GRID1: variants seen among roughly 807,000 people sequenced by gnomAD.
GRID1 encodes the protein glutamate ionotropic receptor delta type subunit 1.
A neutral mutation model predicts 98.0 loss-of-function variants in GRID1; 28 were observed. The observed-to-expected ratio is 0.29, with a 90% CI of 0.21 to 0.39. GRID1 has a LOEUF of 0.39. GRID1 is among the 10% of genes least tolerant of loss of function. GRID1 has a pLI of 1.00. For synonymous variants in GRID1, 553 were observed against 538.5 expected, an observed-to-expected ratio of 1.03 and a Z score of -0.37; for missense variants, 1,111 against 1,340.5, an observed-to-expected ratio of 0.83 and a Z score of 2.67.
intron 2 of GRID1, among the ~76,000 whole-genome samples, chr10:86,242,489 A>C (rs1846653885): frequency 1.3e-5 from 2 of 152,192 alleles, no homozygotes; most frequent in Admixed American, 6.5e-5. Context: ...CTGCTGGTGG[A>C]GGGATGCCCT....
At chr10:85,755,627 C>G (rs112079172) in intron 8 of GRID1, among the ~76,000 whole-genome samples, 1 of 152,106 alleles carries the variant, frequency 6.6e-6, no homozygotes, top group African/African-American at 2.4e-5. Context: ...GGCGTGAGAG[C>G]GTGAGAAAAC....
At chr10:85,947,579 G>A (rs568299681) in intron 4 of GRID1, among the ~76,000 whole-genome samples, 1 of 152,204 alleles carries the variant, frequency 6.6e-6, no homozygotes, top group Non-Finnish European at 1.5e-5. Flanking sequence ...CGTCCATGGA[G>A]AGTGTCGTGA....
chr10:86,157,312 A>G (rs1845260157), intron 3 of GRID1, among the ~76,000 whole-genome samples: 1 of 152,210 alleles, frequency 6.6e-6, no homozygotes, highest in Non-Finnish European at 1.5e-5. Context: ...ATGTTGGCCC[A>G]GGAAGAGATA....
chr10:86,003,044 C>T (rs926665835), intron 4 of GRID1, among the ~76,000 whole-genome samples: 3 of 152,074 alleles, frequency 2.0e-5, no homozygotes, highest in Non-Finnish European at 2.9e-5. Flanking sequence ...AGCAAACCCA[C>T]AAGAGCAAAA....
chr10:85,938,966 T>C (rs1841962677), intron 4 of GRID1, among the ~76,000 whole-genome samples: 1 of 152,272 alleles, frequency 6.6e-6, no homozygotes, highest in Non-Finnish European at 1.5e-5. Context: ...AGCATAGTTG[T>C]TCAAACCTGC....
intron 8 of GRID1, among the ~76,000 whole-genome samples, chr10:85,791,105 G>A (rs1452718658): frequency 1.3e-5 from 2 of 152,108 alleles, no homozygotes; most frequent in African/African-American, 4.8e-5. Context: ...ACCCAATATC[G>A]ATACCCACCT....
rs201777814 is a variant in GRID1 at position 85,915,708 on chromosome 10, T to TACAC, written c.780+474_780+477dup. Among the ~76,000 whole-genome samples, 37 of 151,548 alleles carry TACAC rather than the reference T, an allele frequency of 2.4e-4. 1 individual carries two copies. Among genetic ancestry groups the TACAC allele is most frequent in the Middle Eastern group, 3.4e-3 (1 of 292 alleles). ...CACACTCACATCATAAACACAGACA[T>TACAC]ACACACACACACCTGGATTCACACT... On this transcript the variant is annotated intron_variant, in intron 5 of 15. Coordinates refer to ENST00000327946, the MANE Select transcript of GRID1 (RefSeq NM_017551.3).
At chr10:86,189,891 C>G (rs1013339995) in intron 3 of GRID1, among the ~76,000 whole-genome samples, 4 of 152,170 alleles carry the variant, frequency 2.6e-5, no homozygotes, top group Non-Finnish European at 4.4e-5. Flanking sequence ...CCTAACATGG[C>G]TTTCCAGGCC....
At chr10:86,264,713 G>A in intron 2 of GRID1, 2 of 482,016 alleles carry the variant, frequency 4.1e-6, no homozygotes, top group Non-Finnish European at 4.3e-6. Context: ...CCAGGCAGCT[G>A]CAGGCCCAGC....
At chr10:86,029,738 T>G (rs1330249270) in intron 4 of GRID1, among the ~76,000 whole-genome samples, 1 of 150,660 alleles carries the variant, frequency 6.6e-6, no homozygotes, top group Non-Finnish European at 1.5e-5. Context: ...CAAAAAGGGA[T>G]GGGTAACATA....
At chr10:86,014,751 C>T (rs1842960517) in intron 4 of GRID1, among the ~76,000 whole-genome samples, 1 of 152,222 alleles carries the variant, frequency 6.6e-6, no homozygotes, top group Non-Finnish European at 1.5e-5. Flanking sequence ...AGCAAGTTTT[C>T]AGGCTGGGCA....
chr10:85,892,004 C>G (rs1190685843), intron 5 of GRID1, among the ~76,000 whole-genome samples: 1 of 151,118 alleles, frequency 6.6e-6, no homozygotes, highest in Non-Finnish European at 1.5e-5. Flanking sequence ...TAAACATATA[C>G]CATATGTAAA....
At chr10:85,832,024 G>A (rs990499872) in intron 8 of GRID1, among the ~76,000 whole-genome samples, 1 of 151,402 alleles carries the variant, frequency 6.6e-6, no homozygotes, top group Non-Finnish European at 1.5e-5. Flanking sequence ...ATAAAGGGAT[G>A]AAAACAACAA....
chr10:85,724,781 G>A (rs961949587), intron 10 of GRID1, 105 bp from the exon 11 acceptor site: 1 of 849,068 alleles, frequency 1.2e-6, no homozygotes, highest in Admixed American at 2.7e-5. Context: ...TCTGTTCAGA[G>A]GAATGGATTT....
At chr10:86,263,522 G>T (rs1236984877) in intron 2 of GRID1, among the ~76,000 whole-genome samples, 1 of 152,202 alleles carries the variant, frequency 6.6e-6, no homozygotes, top group Non-Finnish European at 1.5e-5. Context: ...CGCCCCCTTC[G>T]CCAGCACCTA....
intron 4 of GRID1, among the ~76,000 whole-genome samples, chr10:85,938,502 T>TA (rs1049758805): frequency 4.6e-5 from 7 of 152,224 alleles, no homozygotes; most frequent in African/African-American, 1.7e-4. Flanking sequence ...TTGTCTCCCG[T>TA]AACTCTCACA....
chr10:85,848,792 T>A (rs988160441), intron 8 of GRID1, among the ~76,000 whole-genome samples: 3 of 152,262 alleles, frequency 2.0e-5, no homozygotes, highest in African/African-American at 7.2e-5. Context: ...ATTCCTTTAC[T>A]GGGATGAAGC....
intron 8 of GRID1, among the ~76,000 whole-genome samples, chr10:85,852,250 G>A (rs1221311297): frequency 9.2e-5 from 14 of 152,212 alleles, no homozygotes; most frequent in East Asian, 3.9e-4. Flanking sequence ...AAATAAAGCC[G>A]ACTTGAAAAT....
intron 12 of GRID1, among the ~76,000 whole-genome samples, chr10:85,675,515 G>A (rs1485951881): frequency 6.6e-6 from 1 of 152,192 alleles, no homozygotes; most frequent in Non-Finnish European, 1.5e-5. Flanking sequence ...CATTGATTCA[G>A]TCCTTCAGAC....
Sources: gnomAD v4.1 joint callset for allele counts (sites outside exome capture counted in the v4.1 genomes callset) on GRCh38, gnomAD v4.1.1 for gene constraint, MANE v1.5 for transcripts, NCBI Gene and HGNC (gene_info 2026-07-23, HGNC 2026-07-21) for gene names.